MYH14: variants seen among roughly 807,000 people sequenced by gnomAD.
MYH14 encodes the protein myosin-14.
Under a neutral mutation model 255.5 loss-of-function variants are expected in MYH14, and 123 were observed. That is an observed-to-expected ratio of 0.48 (90% CI 0.42 to 0.56). MYH14 has a LOEUF of 0.56. Ranked by LOEUF, MYH14 falls within the 20% of genes least tolerant of loss-of-function variation. The pLI, the probability that MYH14 is intolerant of heterozygous loss-of-function variation, is 0.00. For synonymous variants in MYH14, 1,095 were observed against 1,161.2 expected (o/e 0.94, Z 1.16); for missense variants, 2,423 against 2,802.3 (o/e 0.86, Z 3.06).
Position 50,276,696 on chromosome 19 carries a change from C to G in MYH14, c.3681-61C>G. The G allele has an allele frequency of 6.2e-7, 1 of 1,610,034 alleles. No homozygotes were observed. Among genetic ancestry groups the G allele is most frequent in the East Asian group, 2.2e-5 (1 of 44,864 alleles). On this transcript the variant is annotated intron_variant, in intron 28 of 42. Transcript: ENST00000642316. The surrounding 1 kb of genome is among the most constrained non-coding windows in gnomAD (Gnocchi z 4.3). ...TGAAAAGGAGAAACAACCAGCTCCCCCAAAGCCCCTGCCTTCCTCTGCTCT... is the reference window on the plus strand; with the variant it reads ...TGAAAAGGAGAAACAACCAGCTCCCGCAAAGCCCCTGCCTTCCTCTGCTCT...
intron 3 of MYH14, among the ~76,000 whole-genome samples, chr19:50,222,353 G>A (rs867236488): frequency 5.9e-5 from 9 of 151,744 alleles, no homozygotes; most frequent in African/African-American, 9.7e-5. Flanking sequence ...GGTGGTGGGC[G>A]CCTCTAGTCC....
chr19:50,238,097 AC>A (rs2033740230), intron 10 of MYH14, among the ~76,000 whole-genome samples: 1 of 152,156 alleles, frequency 6.6e-6, no homozygotes, highest in African/African-American at 2.4e-5. Context: ...TCTGCCTGCC[AC>A]CCCTTGGCAC....
Position 50,302,972 on chromosome 19 carries a change from G to A in MYH14, c.5678+1103G>A, listed in dbSNP as rs551154510. ...TGTAAATATATGTAAATATTTAAAT[G>A]ATTGCTGATTTTCTGTATCATTTAG... On this transcript the variant is annotated intron_variant, in intron 40 of 42. Coordinates refer to ENST00000642316, the MANE Select transcript of MYH14 (RefSeq NM_001145809.2). Among the ~76,000 whole-genome samples the A allele has an allele frequency of 3.9e-3, 592 of 152,316 alleles. 3 individuals are homozygous for A. Among genetic ancestry groups the A allele is most frequent in the Non-Finnish European group, 6.5e-3 (440 of 68,026 alleles).
chr19:50,244,737 C>T (rs1322684419), intron 11 of MYH14, among the ~76,000 whole-genome samples: 1 of 152,108 alleles, frequency 6.6e-6, no homozygotes, highest in Admixed American at 6.5e-5. Context: ...CCCACCTCGG[C>T]CTCCCAAAGT....
intron 1 of MYH14, 50 bp from the exon 2 acceptor site, chr19:50,210,313 C>A: frequency 2.0e-6 from 3 of 1,487,258 alleles, no homozygotes; most frequent in Non-Finnish European, 9.0e-7. Context: ...AAGGGAGGCC[C>A]GGGGGACGGA....
At chr19:50,212,356 G>A (rs1338660472) in intron 2 of MYH14, among the ~76,000 whole-genome samples, 1 of 152,130 alleles carries the variant, frequency 6.6e-6, no homozygotes. Flanking sequence ...CAAGGAATAT[G>A]GACAATCATA....
chr19:50,246,622 C>CAAACAAAACAAAACAAAACA (rs548519015), intron 11 of MYH14, among the ~76,000 whole-genome samples: 3 of 148,340 alleles, frequency 2.0e-5, no homozygotes, highest in African/African-American at 7.4e-5. Flanking sequence ...AACTCTGTCT[C>CAAACAAAACAAAACAAAACA]AAACAAAACA....
At chr19:50,206,029 T>A (rs568484213) in intron 1 of MYH14, among the ~76,000 whole-genome samples, 1 of 152,276 alleles carries the variant, frequency 6.6e-6, no homozygotes, top group Admixed American at 6.5e-5. Context: ...TAATTAGCCC[T>A]GGCAGAGTGT....
intron 13 of MYH14, 130 bp downstream of exon 13, chr19:50,249,269 T>G (rs1451941466): frequency 3.5e-5 from 37 of 1,060,938 alleles, no homozygotes; most frequent in East Asian, 2.2e-4. Flanking sequence ...TGTTCCCCCC[T>G]CTCTCTGGTC....
At position 50,276,078 on chromosome 19, in the gene MYH14, G is replaced by A; in HGVS notation, c.3555G>A (p.Leu1185=). The A allele has an allele frequency of 6.2e-7, 1 of 1,611,342 alleles. No individual in the cohort carries two copies. Among genetic ancestry groups the A allele is most frequent in the East Asian group, 2.2e-5 (1 of 44,808 alleles). Residue 1185 remains leucine, a synonymous_variant, in exon 28 of 43, where the codon CTG becomes CTA. Transcript: ENST00000642316. This position sits in a 1 kb window ranked among gnomAD's most constrained non-coding sequence, Gnocchi z 4.3. ...CCCTGGCCGAGGCCCAGGAGGACCT[G>A]GAGTCTGAGCGTGTGGCCAGGACCA... ...QAALAEAQED[L]ESERVARTKA...
rs2035894779 is a variant in MYH14, at chr19:50,286,548, G to A, written c.4606G>A (p.Gly1536Ser). The stretch of plus-strand genomic sequence containing the variant: ...GGAACGTGAGCGGGCCGAGGCAGAG[G>A]GCCGGGAGCGTGAGGCTCGGGCCCT... ...VEERERAEAE[G>S]REREARALSL... The change falls in exon 34 of 43, where the codon GGC becomes AGC. Residue 1536 changes from glycine (G) to serine (S), a missense_variant. Coordinates refer to ENST00000642316, the MANE Select transcript of MYH14 (RefSeq NM_001145809.2). 1 of 1,613,130 alleles carries A rather than the reference G, an allele frequency of 6.2e-7. No individual in the cohort carries two copies. Among genetic ancestry groups the A allele is most frequent in the East Asian group, 2.2e-5 (1 of 44,868 alleles).
At chr19:50,251,240 G>A (rs1051147260) in intron 15 of MYH14, among the ~76,000 whole-genome samples, 3 of 152,076 alleles carry the variant, frequency 2.0e-5, no homozygotes, top group East Asian at 3.9e-4. Context: ...GGGTCCGATA[G>A]TAAATAGTTT....
At chr19:50,213,926 G>A (rs985837262) in intron 2 of MYH14, among the ~76,000 whole-genome samples, 5 of 152,298 alleles carry the variant, frequency 3.3e-5, no homozygotes, top group Middle Eastern at 3.4e-3. Context: ...CTGGGCTCAA[G>A]TGATCCTCCT....
rs778744283 is a variant in MYH14, at chr19:50,272,667, C to T, written c.3403C>T (p.Arg1135Trp). 47 of 1,557,524 alleles carry T rather than the reference C, an allele frequency of 3.0e-5. No homozygotes were observed. Among genetic ancestry groups the T allele is most frequent in the Non-Finnish European group, 3.6e-5 (41 of 1,151,420 alleles). Residue 1135 changes from arginine (R) to tryptophan (W), a missense_variant, in exon 27 of 43, where the codon CGG becomes TGG. By Grantham distance (101) the Arg-to-Trp change is moderately radical. Transcript: ENST00000642316. ...LQEQMVEQQQRAEELRAQLGR... is the reference protein window; with the variant it reads ...LQEQMVEQQQWAEELRAQLGR... ...GGAGCAGATGGTGGAGCAGCAACAGCGGGCAGAGGAGCTGCGGGCCCAGCT... is the reference window on the plus strand; with the variant it reads ...GGAGCAGATGGTGGAGCAGCAACAGTGGGCAGAGGAGCTGCGGGCCCAGCT...
chr19:50,306,719 G>A (rs1178298482), intron 40 of MYH14, among the ~76,000 whole-genome samples: 3 of 152,152 alleles, frequency 2.0e-5, no homozygotes, highest in Non-Finnish European at 4.4e-5. Context: ...ATTTTCAGGG[G>A]AAAATGAATG....
At chr19:50,260,741 G>C in intron 20 of MYH14, 26 bp downstream of exon 20, 1 of 1,461,660 alleles carries the variant, frequency 6.8e-7, no homozygotes, top group Non-Finnish European at 9.2e-7. Flanking sequence ...CCTGGAATGC[G>C]TGTGTGCGTG....
intron 8 of MYH14, among the ~76,000 whole-genome samples, chr19:50,227,951 T>C (rs2033188279): frequency 6.6e-6 from 1 of 152,152 alleles, no homozygotes; most frequent in Non-Finnish European, 1.5e-5. Flanking sequence ...ACCTGCTACA[T>C]AGCAGGCACT....
chr19:50,222,596 C>T lies in MYH14; in HGVS notation c.563-487C>T, dbSNP rs563647100. Among the ~76,000 whole-genome samples, 11 of 151,912 alleles carry T rather than the reference C, an allele frequency of 7.2e-5. No homozygotes were observed. The East Asian group carries it at 2.1e-3, about 29-fold the overall frequency. ...CTGTCCCCTACATCTTAAGTGGAAGCTCTGTAGGGGCACACACCCTGCCAG... is the reference window on the plus strand; with the variant it reads ...CTGTCCCCTACATCTTAAGTGGAAGTTCTGTAGGGGCACACACCCTGCCAG... On this transcript the variant is annotated intron_variant, in intron 3 of 42. Coordinates refer to ENST00000642316, the MANE Select transcript of MYH14 (RefSeq NM_001145809.2).
rs151082668 is a variant in MYH14 at position 50,232,023 on chromosome 19, C to T, written c.1067C>T (p.Thr356Met). The T allele has an allele frequency of 6.3e-5, 101 of 1,613,496 alleles. No homozygotes were observed. The highest frequency in any genetic ancestry group is 2.7e-4 in the Admixed American group (16 of 60,024). ...CAGGAGCGGGAACTCTTCCAGGAGA[C>T]GCTGGAGTCGCTGCGGGTCCTGGGA... ...PGQERELFQE[T>M]LESLRVLGFS... Residue 356 changes from threonine (T) to methionine (M), a missense_variant, in exon 10 of 43, where the codon ACG (threonine) becomes ATG (methionine). Around this residue, in one of 3 missense-constraint regions of MYH14, gnomAD observed 672 missense variants for 881.8 expected, o/e 0.76. Transcript: ENST00000642316.
Sources: allele counts gnomAD v4.1 joint callset (sites outside exome capture counted in the v4.1 genomes callset), GRCh38; gene constraint gnomAD v4.1.1; regional missense constraint gnomAD v4.1.1; non-coding constraint Gnocchi (gnomAD v3.1); transcripts MANE v1.5; gene names NCBI Gene and HGNC (gene_info 2026-07-23, HGNC 2026-07-21).